Variants in STPG2 observed in about 807,000 individuals in gnomAD.
STPG2 encodes sperm-tail PG-rich repeat-containing protein 2.
In STPG2, 56 loss-of-function variants were observed where a neutral mutation model predicts 54.2. The ratio of observed to expected loss-of-function variants is 1.03; its 90% CI spans 0.83 to 1.29. The LOEUF is 1.29. Among genes scored for constraint, STPG2 ranks in the 50% most tolerant of loss-of-function variants. The pLI, the probability that STPG2 is intolerant of heterozygous loss-of-function variation, is 0.00. For synonymous variants in STPG2, 200 were observed against 181.8 expected (o/e 1.10, Z -0.81); for missense variants, 596 against 544.9 (o/e 1.09, Z -0.93).
intron 5 of STPG2, chr4:98,025,849 T>G: frequency 6.3e-7 from 1 of 1,597,764 alleles, no homozygotes; most frequent in Non-Finnish European, 8.5e-7. Context: ...GAACTACCAC[T>G]GGCAATAAAG....
intron 3 of STPG2, among the ~76,000 whole-genome samples, chr4:98,114,034 A>G (rs1272079185): frequency 7.5e-6 from 1 of 133,010 alleles, no homozygotes; most frequent in Non-Finnish European, 1.7e-5. Context: ...AGCATCCACT[A>G]GAGTAGTTGA....
At chr4:97,454,053 A>T (rs552524349) in intron 4 of STPG2, among the ~76,000 whole-genome samples, 1 of 152,298 alleles carries the variant, frequency 6.6e-6, no homozygotes, top group African/African-American at 2.4e-5. Flanking sequence ...TTGTTCTTAG[A>T]AAGATTTATA....
chr4:98,141,719 C>A (rs1348554709), intron 1 of STPG2, among the ~76,000 whole-genome samples: 2 of 152,110 alleles, frequency 1.3e-5, no homozygotes, highest in Non-Finnish European at 2.9e-5. Flanking sequence ...CTCCTGAGGG[C>A]TGTGTCACAG....
intron 7 of STPG2, among the ~76,000 whole-genome samples, chr4:97,972,040 G>C (rs1734345008): frequency 1.3e-5 from 2 of 151,812 alleles, no homozygotes; most frequent in South Asian, 4.2e-4. Context: ...CAAATCCCCA[G>C]AGCATATTTT....
intron 10 of STPG2, among the ~76,000 whole-genome samples, chr4:97,673,443 T>TA (rs1722753964): frequency 1.3e-5 from 2 of 152,160 alleles, no homozygotes; most frequent in Admixed American, 1.3e-4. Flanking sequence ...CATAATTAGA[T>TA]AAAAAATAAA....
In STPG2 at chr4:97,677,998, C is replaced by A. The variant is rs193109410; in HGVS notation, c.1320+34701G>T. Among the ~76,000 whole-genome samples, 234 of 151,960 alleles carry A rather than the reference C, an allele frequency of 1.5e-3. 1 individual carries two copies. The highest frequency in any genetic ancestry group is 5.4e-3 in the African/African-American group (224 of 41,444). On this transcript the variant is annotated intron_variant, in intron 10 of 10. Transcript: ENST00000295268. Reference sequence around the variant, plus strand: ...AATTATGAAAAACCTATATATACATCATTAAATACTGTTCTTTGGGGAAAA... The same window carrying A: ...AATTATGAAAAACCTATATATACATAATTAAATACTGTTCTTTGGGGAAAA...
intron 8 of STPG2, among the ~76,000 whole-genome samples, chr4:97,851,208 T>C (rs565846218): frequency 6.6e-6 from 1 of 152,276 alleles, no homozygotes; most frequent in Admixed American, 6.5e-5. Context: ...GAGAGCTCCT[T>C]GAGTGTTCAG....
intron 5 of STPG2, among the ~76,000 whole-genome samples, chr4:98,061,077 T>C (rs868175447): frequency 2.0e-5 from 3 of 152,114 alleles, no homozygotes; most frequent in South Asian, 2.1e-4. Context: ...TGGGATCTAA[T>C]TAAACTTAAG....
chr4:98,025,531 C>G (rs1736386175), intron 5 of STPG2: 2 of 689,782 alleles, frequency 2.9e-6, no homozygotes, highest in East Asian at 2.8e-5. Context: ...CACCCAAATA[C>G]AGGATGATAG....
chr4:98,086,646 G>A, intron 5 of STPG2, among the ~76,000 whole-genome samples: 1 of 102,646 alleles, frequency 9.7e-6, no homozygotes, highest in Non-Finnish European at 1.8e-5. Context: ...CTGTTATAAT[G>A]AATCCACAGA....
chr4:97,679,254 T>C (rs1195988829), intron 10 of STPG2, among the ~76,000 whole-genome samples: 7 of 152,160 alleles, frequency 4.6e-5, no homozygotes, highest in Non-Finnish European at 1.0e-4. Flanking sequence ...AGTGTAAAAG[T>C]ATTCCTATTT....
intron 10 of STPG2, among the ~76,000 whole-genome samples, chr4:97,676,777 A>C (rs1405638632): frequency 2.0e-5 from 3 of 152,134 alleles, no homozygotes; most frequent in Non-Finnish European, 4.4e-5. Context: ...GTGAATTCTA[A>C]AATTCTATGC....
At chr4:97,456,489 G>A (rs1208197432) in intron 4 of STPG2, among the ~76,000 whole-genome samples, 1 of 152,116 alleles carries the variant, frequency 6.6e-6, no homozygotes, top group Non-Finnish European at 1.5e-5. Context: ...CTCCAATGCA[G>A]AAGATCATAA....
intron 8 of STPG2, among the ~76,000 whole-genome samples, chr4:97,914,521 A>T (rs1731802067): frequency 6.6e-6 from 1 of 152,118 alleles, no homozygotes; most frequent in East Asian, 1.9e-4. Context: ...CATAACCATA[A>T]CCACCACACA....
intron 5 of STPG2, among the ~76,000 whole-genome samples, chr4:98,067,736 G>C (rs1448281983): frequency 6.6e-6 from 1 of 152,070 alleles, no homozygotes; most frequent in Non-Finnish European, 1.5e-5. Context: ...TTTTTTAAAG[G>C]TTTCAACAAT....
chr4:97,826,428 T>C (rs1006628291), intron 9 of STPG2, among the ~76,000 whole-genome samples: 2 of 152,138 alleles, frequency 1.3e-5, no homozygotes, highest in East Asian at 1.9e-4. Flanking sequence ...TGCAAACATA[T>C]TGGCTAAAGT....
At chr4:97,774,244 G>T (rs1726306515) in intron 9 of STPG2, among the ~76,000 whole-genome samples, 1 of 151,980 alleles carries the variant, frequency 6.6e-6, no homozygotes, top group Non-Finnish European at 1.5e-5. Flanking sequence ...TTACTTTGTG[G>T]ATTACCTACC....
intron 9 of STPG2, among the ~76,000 whole-genome samples, chr4:97,781,687 A>T (rs1020842072): frequency 2.0e-5 from 3 of 152,188 alleles, no homozygotes; most frequent in Non-Finnish European, 2.9e-5. Flanking sequence ...TCATGAATAA[A>T]ATACTGGCAA....
chr4:97,544,155 C>T (rs183296426), intron 4 of STPG2, among the ~76,000 whole-genome samples: 2 of 152,148 alleles, frequency 1.3e-5, no homozygotes, highest in African/African-American at 4.8e-5. Context: ...AAACTGTATG[C>T]ATACAAAATT....
Sources: gnomAD v4.1 joint callset for allele counts (sites outside exome capture counted in the v4.1 genomes callset) on GRCh38, gnomAD v4.1.1 for gene constraint, MANE v1.5 for transcripts, NCBI Gene and HGNC (gene_info 2026-07-23, HGNC 2026-07-21) for gene names.